The following PI4KA variants were observed in gnomAD, a reference collection of about 807,000 sequenced individuals.
PI4KA encodes PI4-kinase alpha.
Under a neutral mutation model 271.4 loss-of-function variants are expected in PI4KA, and 122 were observed. The observed-to-expected ratio is 0.45, with a 90% CI of 0.39 to 0.52. The LOEUF is 0.52. PI4KA is among the 20% of genes least tolerant of loss of function. The probability of loss-of-function intolerance (pLI) is 0.00; values close to 1 mark genes in which losing one functional copy is unlikely to be tolerated. For missense variants in PI4KA, 1,969 were observed against 2,769.1 expected (o/e 0.71, Z 6.48); for synonymous variants, 1,041 against 1,078.8 (o/e 0.96, Z 0.69).
rs2147661445 is a variant in PI4KA at position 20,813,482 on chromosome 22, G to T, written c.881C>A (p.Ala294Asp). 6.2e-7 allele frequency: 1 copy of T among 1,614,074 alleles called. No individual in the cohort carries two copies. Residue 294 changes from alanine to aspartate, a missense_variant, in exon 8 of 55, where the codon GCC (alanine) becomes GAC (aspartate). Physicochemically the swap from Ala to Asp is moderately radical, Grantham distance 126. Around this residue, in one of 13 missense-constraint regions of PI4KA, gnomAD observed 540 missense variants for 555.5 expected, o/e 0.97. Transcript: ENST00000255882. ...FEASCLPDGT[A>D]LEPEYYFSTI... ...TGAAAAGTAGTACTCAGGCTCTAGG[G>T]CAGTCCCATCGGGCAAGCAGGAGGC...
chr22:20,782,872 G>C (rs959788118), intron 19 of PI4KA, among the ~76,000 whole-genome samples: 1 of 152,152 alleles, frequency 6.6e-6, no homozygotes, highest in Non-Finnish European at 1.5e-5. Context: ...GAAGGGAATC[G>C]AGCTTCACTC....
At chr22:20,809,907 A>G (rs1250832855) in intron 9 of PI4KA, among the ~76,000 whole-genome samples, 1 of 152,176 alleles carries the variant, frequency 6.6e-6, no homozygotes, top group Non-Finnish European at 1.5e-5. Context: ...AGGAAGAGAC[A>G]TGGTCTACAG....
intron 7 of PI4KA, among the ~76,000 whole-genome samples, chr22:20,816,763 C>T (rs1321205355): frequency 2.0e-5 from 3 of 152,224 alleles, no homozygotes; most frequent in African/African-American, 4.8e-5. Flanking sequence ...CCACTACAGG[C>T]AAAGTGGGCG....
chr22:20,761,466 T>C, intron 22 of PI4KA, 80 bp from the exon 23 acceptor site: 1 of 843,120 alleles, frequency 1.2e-6, no homozygotes, highest in Non-Finnish European at 2.1e-6. Context: ...CCATAAGTGG[T>C]AAGGATGTGA....
At chr22:20,773,360 T>C (rs896701985) in intron 19 of PI4KA, among the ~76,000 whole-genome samples, 2 of 152,130 alleles carry the variant, frequency 1.3e-5, no homozygotes, top group Non-Finnish European at 2.9e-5. Flanking sequence ...CACTCCAGCA[T>C]GGGCAGCAGC....
intron 4 of PI4KA, among the ~76,000 whole-genome samples, chr22:20,821,740 C>T (rs1333978482): frequency 6.6e-6 from 1 of 150,510 alleles, no homozygotes; most frequent in Non-Finnish European, 1.5e-5. Context: ...TGCAGGCATG[C>T]ACCACCACGC....
chr22:20,718,221 C>T (rs1017882062), intron 44 of PI4KA, among the ~76,000 whole-genome samples: 1 of 152,214 alleles, frequency 6.6e-6, no homozygotes, highest in Non-Finnish European at 1.5e-5. Context: ...GCATTGATGA[C>T]TCCAGGGTTT....
At chr22:20,727,142 G>A in intron 41 of PI4KA, 88 bp downstream of exon 41, 1 of 1,252,606 alleles carries the variant, frequency 8.0e-7, no homozygotes, top group South Asian at 1.4e-5. Context: ...GCGACCTCAT[G>A]GCCAATGGTG....
intron 32 of PI4KA, 68 bp from the exon 33 acceptor site, chr22:20,734,621 T>C: frequency 6.8e-7 from 1 of 1,460,968 alleles, no homozygotes; most frequent in Non-Finnish European, 9.4e-7. Context: ...AAGTTTTCTC[T>C]AATTAAAAAA....
chr22:20,743,457 TTAA>T (rs910979180), intron 30 of PI4KA, among the ~76,000 whole-genome samples: 4 of 151,596 alleles, frequency 2.6e-5, no homozygotes, highest in African/African-American at 9.7e-5. Context: ...CTTACTATTA[TTAA>T]TAATTTTTTC....
intron 44 of PI4KA, among the ~76,000 whole-genome samples, chr22:20,718,397 T>C (rs1339414409): frequency 6.6e-6 from 1 of 152,208 alleles, no homozygotes; most frequent in Non-Finnish European, 1.5e-5. Context: ...TGGCCTCAAA[T>C]TGTGGAGCCA....
intron 14 of PI4KA, 59 bp downstream of exon 14, chr22:20,801,914 T>G: frequency 6.3e-7 from 1 of 1,578,516 alleles, no homozygotes; most frequent in Non-Finnish European, 8.7e-7. Flanking sequence ...TCTCTTATTT[T>G]GTAATAACCC....
In PI4KA at chr22:20,833,905, G is replaced by A. The variant is rs534148393; in HGVS notation, c.367+657C>T. 7.4e-4 allele frequency among the ~76,000 whole-genome samples: 112 copies of A among 151,836 alleles called. 1 individual carries two copies. The highest frequency in any genetic ancestry group is 2.5e-3 in the African/African-American group (103 of 41,402). The stretch of plus-strand genomic sequence containing the variant: ...GAACTCCTGACCTCGTGATACACCC[G>A]CCTCGGCCTCCCAAAGTGCTGGGAT... On this transcript the variant is annotated intron_variant, in intron 3 of 54. Coordinates refer to ENST00000255882, the MANE Select transcript of PI4KA (RefSeq NM_058004.4).
intron 1 of PI4KA, among the ~76,000 whole-genome samples, chr22:20,845,589 G>A (rs1489991134): frequency 6.6e-6 from 1 of 152,216 alleles, no homozygotes; most frequent in Non-Finnish European, 1.5e-5. Context: ...TATTTTCGAA[G>A]TGACTCAGAG....
intron 3 of PI4KA, among the ~76,000 whole-genome samples, chr22:20,833,657 GTTTTTTTTTT>G (rs361962): frequency 1.4e-5 from 1 of 73,080 alleles, no homozygotes; most frequent in African/African-American, 5.6e-5. Context: ...GTTTGTTTTT[GTTTTTTTTTT>G]TTTTTTTTTT....
chr22:20,716,071 G>A (rs1925968890), intron 45 of PI4KA, among the ~76,000 whole-genome samples: 1 of 150,970 alleles, frequency 6.6e-6, no homozygotes, highest in Non-Finnish European at 1.5e-5. Context: ...TTTTTTTTGA[G>A]ACCAAGTCTT....
At chr22:20,836,987 T>C (rs372264490) in intron 2 of PI4KA, among the ~76,000 whole-genome samples, 1 of 152,252 alleles carries the variant, frequency 6.6e-6, no homozygotes, top group Non-Finnish European at 1.5e-5. Flanking sequence ...CAATAGTTTC[T>C]TATAAATTTT....
In PI4KA at chr22:20,730,431, T is replaced by C. The variant is rs146663736; in HGVS notation, c.4289-420A>G. 9.9e-4 allele frequency among the ~76,000 whole-genome samples: 150 copies of C among 151,568 alleles called. 3 individuals carry two copies. The East Asian group carries it at 0.019, about 19-fold the overall frequency. On this transcript the variant is annotated intron_variant, in intron 36 of 54. Coordinates refer to ENST00000255882, the MANE Select transcript of PI4KA (RefSeq NM_058004.4). ...CTGGGATTACAGGTGCCTGACACCATGCCCAGTTAATTTTTGTATTTTTAG... is the reference window on the plus strand; with the variant it reads ...CTGGGATTACAGGTGCCTGACACCACGCCCAGTTAATTTTTGTATTTTTAG...
Position 20,714,481 on chromosome 22 carries a change from C to A in PI4KA, c.5438G>T (p.Gly1813Val). 1 of 1,613,198 alleles carries A rather than the reference C, an allele frequency of 6.2e-7. No homozygotes were observed. Among genetic ancestry groups the A allele is most frequent in the Non-Finnish European group, 8.5e-7 (1 of 1,179,394 alleles). The change falls in exon 47 of 55, where the codon GGA becomes GTA. Residue 1813 changes from glycine to valine, a missense_variant. Gly to Val is a moderately radical substitution (Grantham distance 109). This residue lies in a region of PI4KA where 388 missense variants were observed against 521.5 expected (regional missense o/e 0.74). Transcript: ENST00000255882. The part of the protein sequence containing the change: ...YLAKFKVKRC[G>V]VSELEKEGLR... ...ACCTTCTTTTTCAAGTTCACTAACTCCACATCGCTTCACCTTGAACTTGGC... is the reference window on the plus strand; with the variant it reads ...ACCTTCTTTTTCAAGTTCACTAACTACACATCGCTTCACCTTGAACTTGGC...
Sources: allele counts gnomAD v4.1 joint callset (sites outside exome capture counted in the v4.1 genomes callset), GRCh38; gene constraint gnomAD v4.1.1; regional missense constraint gnomAD v4.1.1; transcripts MANE v1.5; gene names NCBI Gene and HGNC (gene_info 2026-07-23, HGNC 2026-07-21).